SMAP1: variants seen among roughly 807,000 people sequenced by gnomAD.
SMAP1 encodes the protein small ArfGAP 1, also known as stromal membrane-associated protein 1.
Under a neutral mutation model 58.5 loss-of-function variants are expected in SMAP1, and 24 were observed. The observed-to-expected ratio is 0.41, with a 90% CI of 0.30 to 0.58. The LOEUF (loss-of-function observed/expected upper bound fraction) is 0.58, where lower values mean the gene tolerates loss of function less well. SMAP1 is among the 20% of genes least tolerant of loss of function. The probability of loss-of-function intolerance (pLI) is 0.29; values close to 1 mark genes in which losing one functional copy is unlikely to be tolerated. For synonymous variants in SMAP1, 216 were observed against 196.6 expected (o/e 1.10, Z -0.82); for missense variants, 563 against 566.3 (o/e 0.99, Z 0.06).
In SMAP1 at chr6:70,758,696, T is replaced by G. The variant is rs189697959; in HGVS notation, c.338+3631T>G. 2.3e-3 allele frequency among the ~76,000 whole-genome samples: 347 copies of G among 152,024 alleles called. 1 individual carries two copies. Among genetic ancestry groups the G allele is most frequent in the Admixed American group, 5.6e-3 (86 of 15,222 alleles). ...CCAAAATTAGCAATGACAATCTAAG[T>G]TAGATAGTGGCATTGGGAATGGGCA... is the stretch of plus-strand genomic sequence containing the variant. On this transcript the variant is annotated intron_variant, in intron 3 of 10. Coordinates refer to ENST00000370455, the MANE Select transcript of SMAP1 (RefSeq NM_001044305.3).
At chr6:70,811,955 C>T (rs562459888) in intron 6 of SMAP1, among the ~76,000 whole-genome samples, 3 of 152,276 alleles carry the variant, frequency 2.0e-5, no homozygotes, top group East Asian at 1.9e-4. Context: ...GAGTGACTAA[C>T]AGGTGGGTAG....
chr6:70,770,009 T>G (rs201043255), intron 3 of SMAP1, among the ~76,000 whole-genome samples: 2,758 of 151,890 alleles, frequency 0.018, 66 homozygotes, highest in East Asian at 0.1. Flanking sequence ...CCTTCACTTA[T>G]GAAGCTTAGT....
intron 4 of SMAP1, among the ~76,000 whole-genome samples, chr6:70,782,344 T>A (rs1767797207): frequency 6.6e-6 from 1 of 152,212 alleles, no homozygotes; most frequent in Non-Finnish European, 1.5e-5. Context: ...GATGCTTCCT[T>A]CCTCCTCTTT....
intron 1 of SMAP1, chr6:70,693,969 C>T (rs1421256778): frequency 1.9e-5 from 3 of 158,734 alleles, no homozygotes; most frequent in Non-Finnish European, 4.1e-5. Flanking sequence ...CATAACAAAT[C>T]TTTTGTTTAT....
At chr6:70,689,315 C>T (rs1471571152) in intron 1 of SMAP1, among the ~76,000 whole-genome samples, 1 of 152,072 alleles carries the variant, frequency 6.6e-6, no homozygotes, top group Non-Finnish European at 1.5e-5. Flanking sequence ...GGCCTGAGAA[C>T]CATTTCTTGA....
At chr6:70,693,025 T>A (rs2149820001) in intron 1 of SMAP1, among the ~76,000 whole-genome samples, 1 of 152,206 alleles carries the variant, frequency 6.6e-6, no homozygotes, top group African/African-American at 2.4e-5. Flanking sequence ...CTTCATGATC[T>A]GCCCACCTCG....
At chr6:70,787,154 C>A (rs1039852920) in intron 4 of SMAP1, among the ~76,000 whole-genome samples, 1 of 152,164 alleles carries the variant, frequency 6.6e-6, no homozygotes, top group African/African-American at 2.4e-5. Flanking sequence ...CGCATATCTA[C>A]AACTATCTGA....
In SMAP1 at chr6:70,680,712, G is replaced by GTTTT. The variant is rs34867967; in HGVS notation, c.118+12592_118+12595dup. ...TACATTACAATTACATGGATTTCCTGTTTTTTTTTTTTTTTTTTTTTTTTG... is the reference window on the plus strand; with the variant it reads ...TACATTACAATTACATGGATTTCCTGTTTTTTTTTTTTTTTTTTTTTTTTTTTTG... On this transcript the variant is annotated intron_variant, in intron 1 of 10. Coordinates refer to ENST00000370455, the MANE Select transcript of SMAP1 (RefSeq NM_001044305.3). Among the ~76,000 whole-genome samples the GTTTT allele has an allele frequency of 2.6e-3, 207 of 78,964 alleles. 3 individuals are homozygous for GTTTT. Among genetic ancestry groups the GTTTT allele is most frequent in the Non-Finnish European group, 2.8e-3 (123 of 44,654 alleles). 51.8% of individuals were successfully genotyped at this position (78,964 alleles called of 152,430 possible).
In SMAP1 at chr6:70,837,067, A is replaced by G. The variant is rs375672455; in HGVS notation, c.664+39A>G. ...AATAAAAGTCACTGCTGGAGTTACA[A>G]AACAATTGAAACCTTTACTTGGAGT... On this transcript the variant is annotated intron_variant, in intron 7 of 10. Transcript: ENST00000370455. 269 of 1,417,180 alleles carry G rather than the reference A, an allele frequency of 1.9e-4. 1 individual carries two copies. Among genetic ancestry groups the G allele is most frequent in the Non-Finnish European group, 2.5e-4 (261 of 1,049,518 alleles). The allele number at this position is 1,417,180 out of a possible 1,614,324, so 87.8% of individuals were successfully genotyped here. A position where few individuals can be genotyped will look rare whatever the true frequency, so the allele number is the denominator to read the frequency against.
chr6:70,722,626 A>T (rs1001470546), intron 1 of SMAP1, among the ~76,000 whole-genome samples: 14 of 152,198 alleles, frequency 9.2e-5, no homozygotes, highest in African/African-American at 3.1e-4. Flanking sequence ...CCAAACAGAG[A>T]TTTATCCACA....
intron 2 of SMAP1, among the ~76,000 whole-genome samples, chr6:70,753,977 A>G (rs1393680037): frequency 6.6e-6 from 1 of 151,862 alleles, no homozygotes; most frequent in African/African-American, 2.4e-5. Context: ...GAGTCACTAT[A>G]TTTTTTGTTT....
At chr6:70,859,537 ACT>A in intron 10 of SMAP1, 3 of 622,236 alleles carry the variant, frequency 4.8e-6, no homozygotes, top group Non-Finnish European at 7.9e-6. Flanking sequence ...ACACAGTCTA[ACT>A]CTGAGTGTAA....
chr6:70,779,665 C>G (rs1486295003), intron 4 of SMAP1, among the ~76,000 whole-genome samples: 1 of 152,156 alleles, frequency 6.6e-6, no homozygotes, highest in Non-Finnish European at 1.5e-5. Context: ...AGTTTCCCTG[C>G]CTCTGAGCTT....
At chr6:70,706,505 T>TC (rs974210760) in intron 1 of SMAP1, among the ~76,000 whole-genome samples, 18 of 152,310 alleles carry the variant, frequency 1.2e-4, no homozygotes, top group African/African-American at 4.1e-4. Context: ...CTCTGGATGA[T>TC]CTGGTAAACC....
At chr6:70,721,270 A>G (rs894485013) in intron 1 of SMAP1, among the ~76,000 whole-genome samples, 1 of 152,158 alleles carries the variant, frequency 6.6e-6, no homozygotes, top group Non-Finnish European at 1.5e-5. Context: ...TTTTTCCGCC[A>G]GATACCCTAA....
At chr6:70,771,769 C>T (rs1350243160) in intron 3 of SMAP1, among the ~76,000 whole-genome samples, 4 of 152,136 alleles carry the variant, frequency 2.6e-5, no homozygotes, top group Non-Finnish European at 5.9e-5. Context: ...GTCCTGTGCC[C>T]ACTGTCTGGT....
chr6:70,852,775 C>G, intron 8 of SMAP1, 111 bp downstream of exon 8: 1 of 1,258,238 alleles, frequency 7.9e-7, no homozygotes. Context: ...ATTTAAAAGT[C>G]TCCTGTTCTT....
At chr6:70,814,591 G>A (rs1016034729) in intron 6 of SMAP1, among the ~76,000 whole-genome samples, 17 of 152,022 alleles carry the variant, frequency 1.1e-4, no homozygotes, top group Admixed American at 5.2e-4. Flanking sequence ...GTTTCCTTTC[G>A]TCTGAATTTA....
chr6:70,744,489 A>G (rs866507039), intron 2 of SMAP1, among the ~76,000 whole-genome samples: 4 of 152,332 alleles, frequency 2.6e-5, no homozygotes, highest in South Asian at 4.1e-4. Flanking sequence ...CATGACCTAC[A>G]AAGGACATGA....
Sources: allele counts gnomAD v4.1 joint callset (sites outside exome capture counted in the v4.1 genomes callset), GRCh38; gene constraint gnomAD v4.1.1; transcripts MANE v1.5; gene names NCBI Gene and HGNC (gene_info 2026-07-23, HGNC 2026-07-21).